Variants in TMEM266 observed in about 807,000 individuals in gnomAD.
The protein encoded by TMEM266 is Hv1 related protein 1.
A neutral mutation model predicts 50.5 loss-of-function variants in TMEM266; 33 were observed. That is an observed-to-expected ratio of 0.65 (90% CI 0.50 to 0.87). The LOEUF (loss-of-function observed/expected upper bound fraction) is 0.87, where lower values mean the gene tolerates loss of function less well. Ranked by LOEUF, TMEM266 falls within the 40% of genes least tolerant of loss-of-function variation. TMEM266 has a pLI of 0.00. For synonymous variants in TMEM266, 310 were observed against 292.3 expected, an observed-to-expected ratio of 1.06 and a Z score of -0.62; for missense variants, 655 against 695.1, an observed-to-expected ratio of 0.94 and a Z score of 0.65.
At chr15:76,120,646 A>G (rs1412381880) in intron 1 of TMEM266, among the ~76,000 whole-genome samples, 1 of 151,630 alleles carries the variant, frequency 6.6e-6, no homozygotes, top group East Asian at 1.9e-4. Context: ...CTGTGGTCCC[A>G]GCTACTCAGG....
intron 1 of TMEM266, among the ~76,000 whole-genome samples, chr15:76,096,243 A>G (rs773937399): frequency 6.6e-5 from 10 of 152,036 alleles, no homozygotes; most frequent in Non-Finnish European, 1.2e-4. Context: ...TCTTGTGGGC[A>G]TTTAGTGCTA....
chr15:76,159,024 G>A (rs2959861), intron 4 of TMEM266, among the ~76,000 whole-genome samples: 1 of 152,132 alleles, frequency 6.6e-6, no homozygotes, highest in East Asian at 1.9e-4. Flanking sequence ...TTGGCCCTGG[G>A]GGGGGTTCTG....
At chr15:76,137,978 TTGG>T (rs1291428918) in intron 3 of TMEM266, 83 bp downstream of exon 3, 2 of 1,387,408 alleles carry the variant, frequency 1.4e-6, no homozygotes, top group Non-Finnish European at 1.9e-6. Context: ...TCCCAGCACT[TTGG>T]GAGGCAGAGG....
intron 1 of TMEM266, among the ~76,000 whole-genome samples, chr15:76,124,974 A>G (rs773690319): frequency 7.2e-5 from 11 of 152,174 alleles, no homozygotes; most frequent in Non-Finnish European, 1.0e-4. Flanking sequence ...TCAAAACCAC[A>G]TGGTCCTGGC....
In TMEM266 at chr15:76,203,686, G is replaced by A. The variant is rs540856099; in HGVS notation, c.1022-55G>A. ...CCGGCTCAGACCTGCTCTCTTCAGG[G>A]CCCCCAGGTGTGGCAGAGGTTGAAG... is the stretch of plus-strand genomic sequence containing the variant. On this transcript the variant is annotated intron_variant, in intron 10 of 10. Coordinates refer to ENST00000388942, the MANE Select transcript of TMEM266 (RefSeq NM_152335.3). 2.0e-6 allele frequency: 3 copies of A among 1,535,164 alleles called. No homozygotes were observed. The African/African-American group carries it at 4.1e-5, about 21-fold the overall frequency.
chr15:76,065,312 C>G (rs1446698776), intron 1 of TMEM266, among the ~76,000 whole-genome samples: 2 of 152,162 alleles, frequency 1.3e-5, no homozygotes, highest in Non-Finnish European at 2.9e-5. Context: ...CTCCTGCCCC[C>G]ACCCCTCTAC....
intron 9 of TMEM266, among the ~76,000 whole-genome samples, chr15:76,201,568 C>T (rs1156556069): frequency 6.6e-6 from 1 of 152,106 alleles, no homozygotes; most frequent in East Asian, 1.9e-4. Flanking sequence ...CTGTTCCCAC[C>T]CCCCTTGACA....
At chr15:76,192,467 T>G (rs1596168223) in intron 9 of TMEM266, among the ~76,000 whole-genome samples, 1 of 152,122 alleles carries the variant, frequency 6.6e-6, no homozygotes, top group East Asian at 1.9e-4. Context: ...GGAGGAGGTG[T>G]GACTTTTCTG....
At chr15:76,124,075 C>T (rs148249885) in intron 1 of TMEM266, among the ~76,000 whole-genome samples, 66 of 152,352 alleles carry the variant, frequency 4.3e-4, no homozygotes, top group African/African-American at 1.5e-3. Context: ...TGGCCAGCTG[C>T]CTATTGGCCC....
At chr15:76,140,731 G>C (rs995699444) in intron 3 of TMEM266, among the ~76,000 whole-genome samples, 1 of 152,050 alleles carries the variant, frequency 6.6e-6, no homozygotes, top group Non-Finnish European at 1.5e-5. Context: ...CTTGTGGAAG[G>C]TCACACAGTG....
intron 1 of TMEM266, among the ~76,000 whole-genome samples, chr15:76,079,173 T>C (rs2036647346): frequency 6.6e-6 from 1 of 152,014 alleles, no homozygotes; most frequent in Non-Finnish European, 1.5e-5. Context: ...GCCAACATGG[T>C]AAAAACCCAT....
chr15:76,194,043 G>T (rs1204876785), intron 9 of TMEM266, among the ~76,000 whole-genome samples: 1 of 152,128 alleles, frequency 6.6e-6, no homozygotes, highest in Non-Finnish European at 1.5e-5. Flanking sequence ...CTGGACCCAG[G>T]TCCCCACGAT....
chr15:76,172,103 T>C (rs1439442196), intron 7 of TMEM266, among the ~76,000 whole-genome samples: 1 of 152,130 alleles, frequency 6.6e-6, no homozygotes, highest in Non-Finnish European at 1.5e-5. Flanking sequence ...CTGGTCAGCC[T>C]CCAAGAGAGG....
At chr15:76,074,844 C>A (rs1440679639) in intron 1 of TMEM266, among the ~76,000 whole-genome samples, 1 of 151,942 alleles carries the variant, frequency 6.6e-6, no homozygotes, top group African/African-American at 2.4e-5. Flanking sequence ...AGGGTGCTGT[C>A]AGTGTGGGAC....
rs71140194 is a variant in TMEM266, at chr15:76,075,837, CTTTTTTTTTTTTTTT to C, written c.-97+15844_-97+15858del. 9.4e-3 allele frequency among the ~76,000 whole-genome samples: 222 copies of C among 23,580 alleles called. 4 individuals carry two copies. In the East Asian group the frequency reaches 0.12, roughly 13 times the overall value. The allele number at this position is 23,580 out of a possible 152,430, so 15.5% of individuals were successfully genotyped here. A position where few individuals can be genotyped will look rare whatever the true frequency, so the allele number is the denominator to read the frequency against. On this transcript the variant is annotated intron_variant, in intron 1 of 10. Transcript: ENST00000388942. ...CTGGAGGAGAATGAAGAGAAGGCAGCTTTTTTTTTTTTTTTTTTTTTTTTTTTTTTTTTTTTTGAG... is the reference window on the plus strand; with the variant it reads ...CTGGAGGAGAATGAAGAGAAGGCAGCTTTTTTTTTTTTTTTTTTTTTTGAG...
intron 1 of TMEM266, among the ~76,000 whole-genome samples, chr15:76,118,995 A>G (rs1467258781): frequency 2.6e-5 from 4 of 152,130 alleles, no homozygotes; most frequent in Admixed American, 1.3e-4. Context: ...TCTGCCAACA[A>G]TTTAACCCTC....
At chr15:76,169,954 T>C (rs1467569171) in intron 6 of TMEM266, 82 bp downstream of exon 6, 1 of 1,466,908 alleles carries the variant, frequency 6.8e-7, no homozygotes, top group South Asian at 1.2e-5. Context: ...CATTCCAGGG[T>C]GGACACCATC....
At chr15:76,155,486 A>G (rs1329527972) in intron 3 of TMEM266, among the ~76,000 whole-genome samples, 2 of 152,166 alleles carry the variant, frequency 1.3e-5, no homozygotes, top group East Asian at 1.9e-4. Flanking sequence ...TGTGATGTCC[A>G]GGGTCATATA....
intron 1 of TMEM266, among the ~76,000 whole-genome samples, chr15:76,064,502 A>G (rs1375780224): frequency 6.6e-6 from 1 of 152,196 alleles, no homozygotes; most frequent in African/African-American, 2.4e-5. Context: ...CTACACTGGG[A>G]TGCTAAAGGG....
Sources: allele counts gnomAD v4.1 joint callset (sites outside exome capture counted in the v4.1 genomes callset), GRCh38; gene constraint gnomAD v4.1.1; transcripts MANE v1.5; gene names NCBI Gene and HGNC (gene_info 2026-07-23, HGNC 2026-07-21).